The following ACO1 variants were observed in gnomAD, a reference collection of about 807,000 sequenced individuals.
ACO1 encodes cytoplasmic aconitate hydratase.
Under a neutral mutation model 105.1 loss-of-function variants are expected in ACO1, and 78 were observed. That is an observed-to-expected ratio of 0.74 (90% CI 0.62 to 0.90). The LOEUF is 0.90. Ranked by LOEUF, ACO1 falls within the 40% of genes least tolerant of loss-of-function variation. ACO1 has a pLI of 0.00. For synonymous variants in ACO1, 364 were observed against 397.4 expected (o/e 0.92, Z 1.00); for missense variants, 965 against 1,111.1 (o/e 0.87, Z 1.87).
At chr9:32,412,312 A>T (rs1821757708) in intron 4 of ACO1, among the ~76,000 whole-genome samples, 1 of 152,216 alleles carries the variant, frequency 6.6e-6, no homozygotes, top group African/African-American at 2.4e-5. Context: ...TGATGCAGGA[A>T]TTAAAAGATT....
chr9:32,403,280 C>T (rs1009729547), intron 1 of ACO1, among the ~76,000 whole-genome samples: 8 of 152,138 alleles, frequency 5.3e-5, no homozygotes, highest in Admixed American at 2.0e-4. Context: ...ATTTCATTTA[C>T]GGAGATGTTG....
In ACO1 at chr9:32,436,235, T is replaced by C. The variant is rs1183824378; in HGVS notation, c.2100-15T>C. 6.2e-7 allele frequency: 1 copy of C among 1,613,744 alleles called. No individual in the cohort carries two copies. Among genetic ancestry groups the C allele is most frequent in the Admixed American group, 1.7e-5 (1 of 60,032 alleles). Reference sequence around the variant, plus strand: ...TGCTTCACTAAGCCAGCTCCTTTCTTGCTTGCCTTCTTAGCCTAACTCCAC... The same window carrying C: ...TGCTTCACTAAGCCAGCTCCTTTCTCGCTTGCCTTCTTAGCCTAACTCCAC... On this transcript the variant is annotated splice_polypyrimidine_tract_variant and intron_variant, in intron 17 of 20. Transcript: ENST00000309951.
At chr9:32,447,091 T>G (rs1048018930) in intron 19 of ACO1, among the ~76,000 whole-genome samples, 7 of 152,196 alleles carry the variant, frequency 4.6e-5, no homozygotes, top group Non-Finnish European at 1.0e-4. Context: ...TCCATGTATT[T>G]CCTGAATTTG....
At chr9:32,385,972 C>T (rs1298851708) in intron 1 of ACO1, among the ~76,000 whole-genome samples, 1 of 152,186 alleles carries the variant, frequency 6.6e-6, no homozygotes, top group East Asian at 1.9e-4. Context: ...GTATCTGGAA[C>T]CAAGTTTGAT....
In ACO1 at chr9:32,436,326, A is replaced by T; in HGVS notation, c.2176A>T (p.Asn726Tyr). 2 of 1,614,214 alleles carry T rather than the reference A, an allele frequency of 1.2e-6. No homozygotes were observed. Among genetic ancestry groups the T allele is most frequent in the Non-Finnish European group, 1.7e-6 (2 of 1,180,020 alleles). ...CGTCATGGCACGGGGAACATTTGCC[A>T]ACATTCGCTTGTTAAACAGATTTTT... ...DAVMARGTFA[N>Y]IRLLNRFLNK... Residue 726 changes from asparagine to tyrosine, a missense_variant, in exon 18 of 21, where the codon AAC becomes TAC. Physicochemically the swap from Asn to Tyr is moderately radical, Grantham distance 143. Transcript: ENST00000309951.
chr9:32,419,007 G>A, intron 6 of ACO1, 31 bp from the exon 7 acceptor site: 1 of 1,547,740 alleles, frequency 6.5e-7, no homozygotes, highest in Non-Finnish European at 8.7e-7. Context: ...GGGTAATGAA[G>A]GCATTCTTCC....
chr9:32,449,000 T>A lies in ACO1; in HGVS notation c.2475T>A (p.Asp825Glu), dbSNP rs773625352. ...AATATCTCCCTGGTGAGAATGCAGA[T>A]GCCCTGGGGCTCACAGGGCAAGAAC... ...PLEYLPGENA[D>E]ALGLTGQERY... is the part of the protein sequence containing the mutation. Residue 825 changes from aspartate to glutamate, a missense_variant, in exon 20 of 21, where the codon GAT (aspartate) becomes GAA (glutamate). By Grantham distance (45) the Asp-to-Glu change is conservative. Coordinates refer to ENST00000309951, the MANE Select transcript of ACO1 (RefSeq NM_002197.3). 1 of 1,614,200 alleles carries A rather than the reference T, an allele frequency of 6.2e-7. No individual in the cohort carries two copies. Among genetic ancestry groups the A allele is most frequent in the Non-Finnish European group, 8.5e-7 (1 of 1,180,022 alleles).
At chr9:32,403,670 T>A (rs1396235644) in intron 1 of ACO1, among the ~76,000 whole-genome samples, 2 of 152,166 alleles carry the variant, frequency 1.3e-5, no homozygotes, top group Non-Finnish European at 2.9e-5. Flanking sequence ...AATCCAAAAA[T>A]TTTGGGAGAC....
At chr9:32,385,339 C>A (rs1821136010) in intron 1 of ACO1, among the ~76,000 whole-genome samples, 1 of 152,188 alleles carries the variant, frequency 6.6e-6, no homozygotes, top group African/African-American at 2.4e-5. Flanking sequence ...TCTTGCAACA[C>A]ATGTAACTCT....
Position 32,431,816 on chromosome 9 carries a change from G to A in ACO1, c.1824G>A (p.Met608Ile). The change falls in exon 15 of 21, where the codon ATG (methionine) becomes ATA (isoleucine). Residue 608 changes from methionine (M) to isoleucine (I), a missense_variant. By Grantham distance (10) the Met-to-Ile change is conservative (BLOSUM62 1). Coordinates refer to ENST00000309951, the MANE Select transcript of ACO1 (RefSeq NM_002197.3). ...AVERQYVIPGMFKEVYQKIET... is the reference protein window; with the variant it reads ...AVERQYVIPGIFKEVYQKIET... The stretch of plus-strand genomic sequence containing the variant: ...AGCGTCAGTATGTCATCCCGGGGAT[G>A]TTTAAGGAAGTCTATCAGAAAATAG... 1 of 1,614,114 alleles carries A rather than the reference G, an allele frequency of 6.2e-7. No individual in the cohort carries two copies. Among genetic ancestry groups the A allele is most frequent in the Non-Finnish European group, 8.5e-7 (1 of 1,180,000 alleles).
chr9:32,422,249 A>G (rs535790939), intron 8 of ACO1, among the ~76,000 whole-genome samples: 58 of 152,318 alleles, frequency 3.8e-4, no homozygotes, highest in African/African-American at 1.3e-3. Context: ...CATCTATTAA[A>G]TTGAAACAAA....
intron 1 of ACO1, among the ~76,000 whole-genome samples, chr9:32,393,217 A>G (rs1281696825): frequency 6.6e-6 from 1 of 152,226 alleles, no homozygotes; most frequent in African/African-American, 2.4e-5. Context: ...TGGGAGAAAT[A>G]TCGCTGAATT....
At chr9:32,445,529 G>A (rs776338099) in intron 19 of ACO1, 16 of 233,370 alleles carry the variant, frequency 6.9e-5, no homozygotes, top group Non-Finnish European at 1.2e-4. Context: ...CTGGCTAGCA[G>A]TCTGTTTTGT....
At chr9:32,444,165 G>GC (rs1285072745) in intron 19 of ACO1, among the ~76,000 whole-genome samples, 2 of 152,224 alleles carry the variant, frequency 1.3e-5, no homozygotes, top group African/African-American at 4.8e-5. Flanking sequence ...CTTTTTTATG[G>GC]CTGCATAGTA....
intron 16 of ACO1, 45 bp downstream of exon 16, chr9:32,433,877 T>A: frequency 6.9e-7 from 1 of 1,439,692 alleles, no homozygotes; most frequent in Non-Finnish European, 9.6e-7. Context: ...TTGAAGGGTT[T>A]CTTTCCTAAT....
In ACO1 at chr9:32,403,891, G is replaced by C. The variant is rs1587519612; in HGVS notation, c.-22-1594G>C. On this transcript the variant is annotated intron_variant, in intron 1 of 20. Coordinates refer to ENST00000309951, the MANE Select transcript of ACO1 (RefSeq NM_002197.3). Reference sequence around the variant, plus strand: ...CAGTTTTATTGTTGCAGTTGCTACTGTTTGAGGGTGAAAAAGGTAAGTCTG... The same window carrying C: ...CAGTTTTATTGTTGCAGTTGCTACTCTTTGAGGGTGAAAAAGGTAAGTCTG... Among the ~76,000 whole-genome samples, 2 of 152,200 alleles carry C rather than the reference G, an allele frequency of 1.3e-5. 1 individual carries two copies. Among genetic ancestry groups the C allele is most frequent in the East Asian group, 3.8e-4 (2 of 5,200 alleles).
chr9:32,442,938 C>G (rs1822514766), intron 19 of ACO1, among the ~76,000 whole-genome samples: 1 of 152,064 alleles, frequency 6.6e-6, no homozygotes, highest in East Asian at 1.9e-4. Context: ...ACATTATGAG[C>G]AATCAGTGAA....
intron 4 of ACO1, among the ~76,000 whole-genome samples, chr9:32,416,502 T>C (rs752380486): frequency 6.6e-6 from 1 of 152,156 alleles, no homozygotes; most frequent in Non-Finnish European, 1.5e-5. Flanking sequence ...TCAGACCACA[T>C]TGATACCATG....
intron 19 of ACO1, among the ~76,000 whole-genome samples, 182 bp downstream of exon 19, chr9:32,440,769 G>A (rs1822462616): frequency 6.6e-6 from 1 of 152,182 alleles, no homozygotes; most frequent in Non-Finnish European, 1.5e-5. Flanking sequence ...TTGGTGAAGG[G>A]CAATGCAGAG....
Sources: allele counts gnomAD v4.1 joint callset (sites outside exome capture counted in the v4.1 genomes callset), GRCh38; gene constraint gnomAD v4.1.1; transcripts MANE v1.5; gene names NCBI Gene and HGNC (gene_info 2026-07-23, HGNC 2026-07-21).